The following TMEM242 variants were observed in gnomAD, a reference collection of about 807,000 sequenced individuals.
The protein encoded by TMEM242 is transmembrane protein 242.
TMEM242 carries 10 observed loss-of-function variants against 18.2 expected under a neutral mutation model. That is an observed-to-expected ratio of 0.55 (90% CI 0.34 to 0.93). The LOEUF (loss-of-function observed/expected upper bound fraction) is 0.93, where lower values mean the gene tolerates loss of function less well. Ranked by LOEUF, TMEM242 falls within the 40% of genes least tolerant of loss-of-function variation. The probability of loss-of-function intolerance (pLI) is 0.02; values close to 1 mark genes in which losing one functional copy is unlikely to be tolerated. For synonymous variants in TMEM242, 57 were observed against 69.9 expected (o/e 0.81, Z 0.92); for missense variants, 186 against 175.5 (o/e 1.06, Z -0.34).
intron 2 of TMEM242, among the ~76,000 whole-genome samples, chr6:157,321,351 AT>A (rs2128418101): frequency 6.6e-6 from 1 of 152,262 alleles, no homozygotes; most frequent in East Asian, 1.9e-4. Flanking sequence ...AATGAGGTTT[AT>A]TTGAAGGTCA....
At chr6:157,321,856 T>C (rs1778499570) in intron 2 of TMEM242, among the ~76,000 whole-genome samples, 4 of 152,160 alleles carry the variant, frequency 2.6e-5, no homozygotes, top group Admixed American at 2.6e-4. Context: ...CAAAATATAT[T>C]TCTGCTCTGA....
chr6:157,312,950 C>G, intron 3 of TMEM242, among the ~76,000 whole-genome samples: 1 of 152,158 alleles, frequency 6.6e-6, no homozygotes, highest in Non-Finnish European at 1.5e-5. Context: ...GTGCGCTCAC[C>G]CGGCCTCATC....
At chr6:157,323,317 A>C in intron 1 of TMEM242, 95 bp downstream of exon 1, 1 of 1,341,164 alleles carries the variant, frequency 7.5e-7, no homozygotes, top group Non-Finnish European at 1.0e-6. Flanking sequence ...AAGGGCTCTC[A>C]GAGCGGGATG....
Position 157,310,327 on chromosome 6 carries a change from T to G in TMEM242, c.327+8455A>C, listed in dbSNP as rs1777982899. Among the ~76,000 whole-genome samples, 3 of 22,932 alleles carry G rather than the reference T, an allele frequency of 1.3e-4. 1 individual carries two copies. In the South Asian group the frequency reaches 3.9e-3, roughly 30 times the overall value. 15.0% of individuals were successfully genotyped at this position (22,932 alleles called of 152,430 possible). A position where few individuals can be genotyped will look rare whatever the true frequency, so the allele number is the denominator to read the frequency against. ...ATTTACCTCAACTGTTCTCCAAACT[T>G]AAACTATCTGTCTTGATAAAACAAC... On this transcript the variant is annotated intron_variant, in intron 3 of 3. Transcript: ENST00000400788.
intron 3 of TMEM242, among the ~76,000 whole-genome samples, chr6:157,315,209 T>C (rs752322534): frequency 8.0e-4 from 122 of 152,220 alleles, no homozygotes; most frequent in Non-Finnish European, 1.5e-3. Flanking sequence ...GAGCTGAATA[T>C]ACCACATTGC....
rs1777678813 is a variant in TMEM242 at position 157,291,176 on chromosome 6, A to G, written c.*1725T>C. 1.3e-5 allele frequency: 2 copies of G among 152,386 alleles called. No individual in the cohort carries two copies. The highest frequency in any genetic ancestry group is 1.3e-4 in the Admixed American group (2 of 15,308). The allele number at this position is 152,386 out of a possible 1,614,324, so 9.4% of individuals were successfully genotyped here. On this transcript the variant is annotated 3_prime_UTR_variant, in exon 4 of 4. Transcript: ENST00000400788. Reference sequence around the variant, plus strand: ...CAATGATTTCTCCTTTTAACACTCCAGACAGGTGGGCAAGTCTCCTTTCTC... The same window carrying G: ...CAATGATTTCTCCTTTTAACACTCCGGACAGGTGGGCAAGTCTCCTTTCTC...
chr6:157,313,329 C>A lies in TMEM242; in HGVS notation c.327+5453G>T, dbSNP rs1583571520. 1.1e-4 allele frequency among the ~76,000 whole-genome samples: 17 copies of A among 150,088 alleles called. 1 individual carries two copies. The highest frequency in any genetic ancestry group is 7.5e-4 in the Admixed American group (11 of 14,746). On this transcript the variant is annotated intron_variant, in intron 3 of 3. Transcript: ENST00000400788. ...GTGTCCCAGTGTGCGCTCACCTGGC[C>A]TCATCATAGTGCCCCAGTGTGCGCT...
chr6:157,308,532 T>C (rs892932974), intron 3 of TMEM242, among the ~76,000 whole-genome samples: 1 of 152,224 alleles, frequency 6.6e-6, no homozygotes, highest in East Asian at 1.9e-4. Flanking sequence ...TGTCCATTTA[T>C]AGAGACATAT....
At position 157,305,315 on chromosome 6, in the gene TMEM242, C is replaced by A. The variant is rs997527161; in HGVS notation, c.328-12316G>T. ...GGAAATGAGAGAATCTAAGAGGATTCTCACTGGGGTTTTTGGTTTGAAGTG... is the reference window on the plus strand; with the variant it reads ...GGAAATGAGAGAATCTAAGAGGATTATCACTGGGGTTTTTGGTTTGAAGTG... On this transcript the variant is annotated intron_variant, in intron 3 of 3. Transcript: ENST00000400788. The surrounding 1 kb of genome is among the most constrained non-coding windows in gnomAD (Gnocchi z 4.1). Among the ~76,000 whole-genome samples the A allele has an allele frequency of 6.6e-6, 1 of 152,032 alleles. No individual in the cohort carries two copies. The highest frequency in any genetic ancestry group is 1.5e-5 in the Non-Finnish European group (1 of 68,020).
chr6:157,306,612 G>A (rs1777921731), intron 3 of TMEM242, among the ~76,000 whole-genome samples: 1 of 152,156 alleles, frequency 6.6e-6, no homozygotes, highest in Non-Finnish European at 1.5e-5. Flanking sequence ...CTAGAGCTCA[G>A]GGTGTAAATG....
intron 3 of TMEM242, among the ~76,000 whole-genome samples, chr6:157,296,815 A>G (rs140193941): frequency 0.032 from 4,932 of 152,252 alleles, 127 homozygotes; most frequent in Admixed American, 0.047. Context: ...CTAAGTCCCA[A>G]TGCTTTGTGT....
At position 157,318,775 on chromosome 6, in the gene TMEM242, T is replaced by C. The variant is rs782813531; in HGVS notation, c.327+7A>G. ...TAGATACCAGGGACAAGACAGTAGT[T>C]ACTTACACTGTGAACTCCTAAAGCT... On this transcript the variant is annotated splice_region_variant and intron_variant, in intron 3 of 3. Coordinates refer to ENST00000400788, the MANE Select transcript of TMEM242 (RefSeq NM_018452.6). The C allele has an allele frequency of 3.7e-6, 6 of 1,614,026 alleles. No individual in the cohort carries two copies. The Admixed American group carries it at 8.3e-5, about 22-fold the overall frequency.
intron 3 of TMEM242, among the ~76,000 whole-genome samples, chr6:157,310,995 TAGCCTCCCCAGTGTGCAGTC>T (rs1778036608): frequency 4.9e-3 from 8 of 1,636 alleles, no homozygotes; most frequent in African/African-American, 0.014. Context: ...TGCGCTAACC[TAGCCTCCCCAGTGTGCAGTC>T]ACCTAGCCTC....
chr6:157,311,425 T>A (rs1412173569), intron 3 of TMEM242, among the ~76,000 whole-genome samples: 343 of 4,188 alleles, frequency 0.082, no homozygotes, highest in Middle Eastern at 0.11. Flanking sequence ...TGTGCACGCA[T>A]ACGGCCTCAT....
intron 3 of TMEM242, among the ~76,000 whole-genome samples, chr6:157,313,839 T>C (rs1583573067): frequency 7.2e-6 from 1 of 138,984 alleles, no homozygotes. Context: ...TCACCTAGCC[T>C]CATCACAGTG....
At chr6:157,315,531 A>G (rs1778373053) in intron 3 of TMEM242, among the ~76,000 whole-genome samples, 1 of 152,186 alleles carries the variant, frequency 6.6e-6, no homozygotes, top group African/African-American at 2.4e-5. Flanking sequence ...TTAGACATAA[A>G]GATGTCAGGA....
At chr6:157,321,149 C>G (rs376102198) in intron 2 of TMEM242, among the ~76,000 whole-genome samples, 2 of 152,006 alleles carry the variant, frequency 1.3e-5, no homozygotes, top group African/African-American at 4.8e-5. Flanking sequence ...GCTGGGACTA[C>G]AGGCACCCGC....
chr6:157,297,275 G>A (rs1554247232), intron 3 of TMEM242, among the ~76,000 whole-genome samples: 1 of 152,186 alleles, frequency 6.6e-6, no homozygotes, highest in Admixed American at 6.5e-5. Flanking sequence ...GCTTGAATAT[G>A]CACAGGGGAC....
At chr6:157,299,920 C>G in intron 3 of TMEM242, 1 of 1,611,328 alleles carries the variant, frequency 6.2e-7, no homozygotes, top group Non-Finnish European at 8.5e-7. Context: ...CCATGCCCAC[C>G]GATCCAGTTC....
Sources: gnomAD v4.1 joint callset for allele counts (sites outside exome capture counted in the v4.1 genomes callset) on GRCh38, gnomAD v4.1.1 for gene constraint, Gnocchi (gnomAD v3.1) non-coding constraint, MANE v1.5 for transcripts, NCBI Gene and HGNC (gene_info 2026-07-23, HGNC 2026-07-21) for gene names.